Variants in SOX5 observed in about 807,000 individuals in gnomAD.
SOX5 encodes SRY-box transcription factor 5, also known as transcription factor SOX-5.
Under a neutral mutation model 92.0 loss-of-function variants are expected in SOX5, and 9 were observed. The ratio of observed to expected loss-of-function variants is 0.10; its 90% CI spans 0.06 to 0.17. The LOEUF is 0.17. Ranked by LOEUF, SOX5 falls within the 10% of genes least tolerant of loss-of-function variation. The pLI is 1.00. For synonymous variants in SOX5, 344 were observed against 336.3 expected (o/e 1.02, Z -0.25); for missense variants, 642 against 944.5 (o/e 0.68, Z 4.20).
At chr12:24,508,141 AGG>A (rs1385444342) in intron 1 of SOX5, among the ~76,000 whole-genome samples, 2 of 152,156 alleles carry the variant, frequency 1.3e-5, no homozygotes, top group African/African-American at 2.4e-5. Context: ...AAACTAAGCA[AGG>A]GTTTTAAGCA....
rs144006204 is a variant in SOX5 at position 23,804,382 on chromosome 12, A to G, written c.481+41601T>C. ...TACTGTTTGTTTGGTTATTGTTGTT[A>G]GTCAAAGGAAATTCCAGTAAGTGTG... On this transcript the variant is annotated intron_variant, in intron 3 of 14. Transcript: ENST00000451604. Among the ~76,000 whole-genome samples, 188 of 152,268 alleles carry G rather than the reference A, an allele frequency of 1.2e-3. 7 individuals carry two copies. The East Asian group carries it at 0.033, about 27-fold the overall frequency.
intron 1 of SOX5, among the ~76,000 whole-genome samples, chr12:24,445,721 C>G (rs1328880424): frequency 6.6e-6 from 1 of 152,076 alleles, no homozygotes; most frequent in Non-Finnish European, 1.5e-5. Context: ...AATTTTGGTG[C>G]CTGCAAGCTC....
At chr12:23,583,375 T>C (rs1310023686) in intron 9 of SOX5, among the ~76,000 whole-genome samples, 1 of 152,048 alleles carries the variant, frequency 6.6e-6, no homozygotes, top group African/African-American at 2.4e-5. Context: ...GAAAACCCAC[T>C]CATAGAAATT....
intron 9 of SOX5, among the ~76,000 whole-genome samples, chr12:23,602,130 T>TATTTTTAA (rs2074584283): frequency 6.6e-6 from 1 of 152,186 alleles, no homozygotes; most frequent in Non-Finnish European, 1.5e-5. Context: ...AGAAGAACTA[T>TATTTTTAA]ATTTTTAAAT....
At position 24,355,282 on chromosome 12, in the gene SOX5, C is replaced by CTTTTTT. The variant is rs768157437; in HGVS notation, c.-174+13275_-174+13280dup. Reference sequence around the variant, plus strand: ...TTAGCAGGTGTGGTGAGGGGTGCATCTTTTTTTTTTTTTTTTTTTTTTTTT... The same window carrying CTTTTTT: ...TTAGCAGGTGTGGTGAGGGGTGCATCTTTTTTTTTTTTTTTTTTTTTTTTTTTTTTT... On this transcript the variant is annotated intron_variant, in intron 2 of 4. Coordinates refer to the SOX5 transcript ENST00000446891. Among the ~76,000 whole-genome samples the CTTTTTT allele has an allele frequency of 1.8e-3, 132 of 71,906 alleles. 11 individuals are homozygous for CTTTTTT. Among genetic ancestry groups the CTTTTTT allele is most frequent in the African/African-American group, 2.9e-3 (40 of 13,608 alleles). 47.2% of individuals were successfully genotyped at this position (71,906 alleles called of 152,430 possible). A position where few individuals can be genotyped will look rare whatever the true frequency, so the allele number is the denominator to read the frequency against.
chr12:23,568,116 G>A (rs1947471220), intron 10 of SOX5, among the ~76,000 whole-genome samples: 1 of 152,118 alleles, frequency 6.6e-6, no homozygotes, highest in Non-Finnish European at 1.5e-5. Flanking sequence ...AAATTAGGCT[G>A]GGCCATAAAT....
chr12:24,549,763 AC>A (rs1299638430), intron 1 of SOX5, among the ~76,000 whole-genome samples: 1 of 152,218 alleles, frequency 6.6e-6, no homozygotes, highest in Non-Finnish European at 1.5e-5. Context: ...TAGAAACCAG[AC>A]TTAAGAATCT....
chr12:23,804,915 T>TTATATATATATATATA (rs528741802), intron 3 of SOX5, among the ~76,000 whole-genome samples: 4 of 75,060 alleles, frequency 5.3e-5, no homozygotes, highest in African/African-American at 1.0e-4. Flanking sequence ...TATCATTGTT[T>TTATATATATATATATA]TATATATATA....
chr12:23,669,673 GA>G (rs2084428927), intron 6 of SOX5, among the ~76,000 whole-genome samples: 3 of 150,868 alleles, frequency 2.0e-5, no homozygotes, highest in Admixed American at 6.6e-5. Context: ...AAATATTTAA[GA>G]AAAAAAATTG....
At chr12:24,498,282 T>C (rs1296395718) in intron 1 of SOX5, among the ~76,000 whole-genome samples, 2 of 151,974 alleles carry the variant, frequency 1.3e-5, no homozygotes, top group Admixed American at 1.3e-4. Flanking sequence ...TTTACTGGTG[T>C]GGAAACAAAA....
rs1959172901 is a variant in SOX5, at chr12:24,393,256, G to A, written c.-250-24617C>T. ...AATCCTGTTCCCCATTCTAAATTCT[G>A]TCTACTAAACAAATTAGCAAGCTCA... On this transcript the variant is annotated intron_variant, in intron 1 of 4. Transcript: ENST00000446891. The surrounding 1 kb of genome is among the most constrained non-coding windows in gnomAD (Gnocchi z 5.0). Among the ~76,000 whole-genome samples the A allele has an allele frequency of 6.6e-6, 1 of 152,170 alleles. No individual in the cohort carries two copies. The highest frequency in any genetic ancestry group is 2.4e-5 in the African/African-American group (1 of 41,442).
chr12:23,988,842 TACAAGTC>T (rs1303886279), intron 4 of SOX5, among the ~76,000 whole-genome samples: 2 of 152,102 alleles, frequency 1.3e-5, no homozygotes, highest in Non-Finnish European at 2.9e-5. Flanking sequence ...GTCACCGAGG[TACAAGTC>T]TAGTTGGAGC....
intron 3 of SOX5, among the ~76,000 whole-genome samples, chr12:23,778,139 A>G (rs1399929206): frequency 6.6e-6 from 1 of 152,232 alleles, no homozygotes; most frequent in African/African-American, 2.4e-5. Flanking sequence ...CTAACTTTAC[A>G]ACTGTAACCC....
intron 3 of SOX5, among the ~76,000 whole-genome samples, chr12:23,841,675 T>C (rs536258296): frequency 2.6e-5 from 4 of 152,130 alleles, no homozygotes. Context: ...AATTACTAAG[T>C]GACAGAGCCA....
chr12:24,524,219 G>A (rs779917272), intron 1 of SOX5, among the ~76,000 whole-genome samples: 3 of 152,170 alleles, frequency 2.0e-5, no homozygotes, highest in South Asian at 2.1e-4. Context: ...TGGTTCTGAC[G>A]TTTTAAGACT....
At chr12:23,944,253 G>A (rs1352406827) in intron 1 of SOX5, 1 of 152,130 alleles carries the variant, frequency 6.6e-6, no homozygotes, top group Admixed American at 6.6e-5. Flanking sequence ...GAAGGCGCAA[G>A]AGCTGGGAAC....
intron 4 of SOX5, among the ~76,000 whole-genome samples, chr12:24,172,883 T>C (rs1171565786): frequency 5.3e-5 from 8 of 152,230 alleles, no homozygotes; most frequent in Non-Finnish European, 4.4e-5. Flanking sequence ...ACAAGGATGC[T>C]AAATCTTTAT....
Position 23,734,770 on chromosome 12 carries a change from A to G in SOX5, c.742-18T>C, listed in dbSNP as rs1401254166. 4 of 1,606,740 alleles carry G rather than the reference A, an allele frequency of 2.5e-6. No individual in the cohort carries two copies. The highest frequency in any genetic ancestry group is 1.3e-5 in the African/African-American group (1 of 74,732). ...CTTGCAATCTGTGAAGAAATTGCACATGAGAAATTTACAAGTATATTGTAG... is the reference window on the plus strand; with the variant it reads ...CTTGCAATCTGTGAAGAAATTGCACGTGAGAAATTTACAAGTATATTGTAG... On this transcript the variant is annotated intron_variant, in intron 5 of 14. Transcript: ENST00000451604.
intron 11 of SOX5, among the ~76,000 whole-genome samples, chr12:23,550,363 G>A (rs75052378): frequency 0.089 from 13,508 of 151,792 alleles, 662 homozygotes; most frequent in Non-Finnish European, 0.11. Context: ...TATCCTCCTC[G>A]AGTCCCAGAA....
Sources: allele counts gnomAD v4.1 joint callset (sites outside exome capture counted in the v4.1 genomes callset), GRCh38; gene constraint gnomAD v4.1.1; non-coding constraint Gnocchi (gnomAD v3.1); transcripts MANE v1.5; gene names NCBI Gene and HGNC (gene_info 2026-07-23, HGNC 2026-07-21).